Variants in PHF24 observed in about 807,000 individuals in gnomAD.
PHF24 encodes the protein PHD finger protein 24.
In PHF24, 25 loss-of-function variants were observed where a neutral mutation model predicts 42.6. The ratio of observed to expected loss-of-function variants is 0.59; its 90% CI spans 0.43 to 0.82. The LOEUF is 0.82. Ranked by LOEUF, PHF24 falls within the 40% of genes least tolerant of loss-of-function variation. PHF24 has a pLI of 0.00. For synonymous variants in PHF24, 185 were observed against 204.8 expected (o/e 0.90, Z 0.83); for missense variants, 470 against 538.1 (o/e 0.87, Z 1.25).
chr9:34,686,669 C>A, the PHF24 span, among the ~76,000 whole-genome samples: 1 of 152,120 alleles, frequency 6.6e-6, no homozygotes, highest in Non-Finnish European at 1.5e-5. Context: ...GAGATATTGG[C>A]CTTTAGGATG....
the PHF24 span, chr9:34,833,243 C>A: frequency 1.3e-6 from 2 of 1,549,728 alleles, no homozygotes; most frequent in African/African-American, 2.7e-5. Context: ...TTCCTCCAGG[C>A]TGGGGTTGTT....
chr9:34,849,792 G>T, the PHF24 span, among the ~76,000 whole-genome samples: 2 of 152,160 alleles, frequency 1.3e-5, no homozygotes, highest in African/African-American at 4.8e-5. Context: ...TTTAGGGCAT[G>T]CCTGGTGGTG....
At chr9:34,724,897 A>T in the PHF24 span, 3 of 1,550,068 alleles carry the variant, frequency 1.9e-6, no homozygotes, top group Non-Finnish European at 1.7e-6. Flanking sequence ...GGAAGGCCAG[A>T]TGCTTGTGCC....
the PHF24 span, among the ~76,000 whole-genome samples, chr9:34,933,526 C>T: frequency 2.6e-5 from 4 of 151,864 alleles, no homozygotes; most frequent in East Asian, 7.9e-4. Context: ...AGATGGAGAC[C>T]ATCCTGGCTA....
the PHF24 span, among the ~76,000 whole-genome samples, chr9:34,883,441 G>A: frequency 6.6e-6 from 1 of 152,144 alleles, no homozygotes; most frequent in Non-Finnish European, 1.5e-5. Context: ...TACAAAATGG[G>A]AGAAAATTTT....
the PHF24 span, among the ~76,000 whole-genome samples, chr9:34,874,423 A>G: frequency 6.6e-6 from 1 of 152,106 alleles, no homozygotes; most frequent in Non-Finnish European, 1.5e-5. Context: ...TGCTTTTTCA[A>G]TCCACTCGTT....
chr9:34,703,365 C>T, the PHF24 span, among the ~76,000 whole-genome samples: 2 of 152,178 alleles, frequency 1.3e-5, no homozygotes, highest in Non-Finnish European at 2.9e-5. Flanking sequence ...GATGGAGTTT[C>T]ACCATGTTGG....
the PHF24 span, among the ~76,000 whole-genome samples, chr9:34,798,878 A>T: frequency 6.6e-6 from 1 of 152,024 alleles, no homozygotes; most frequent in East Asian, 1.9e-4. Context: ...GTCATTTTTG[A>T]CTTTTTAACA....
At chr9:34,720,265 A>T in the PHF24 span, among the ~76,000 whole-genome samples, 1 of 152,098 alleles carries the variant, frequency 6.6e-6, no homozygotes, top group South Asian at 2.1e-4. Flanking sequence ...TAACAAGGTG[A>T]AACCCCGTCT....
At chr9:34,916,323 A>T in the PHF24 span, among the ~76,000 whole-genome samples, 1 of 152,218 alleles carries the variant, frequency 6.6e-6, no homozygotes, top group South Asian at 2.1e-4. Flanking sequence ...CTACTCTTTT[A>T]TCGGGGTAGG....
At chr9:34,767,355 A>G in the PHF24 span, among the ~76,000 whole-genome samples, 1 of 151,984 alleles carries the variant, frequency 6.6e-6, no homozygotes, top group Non-Finnish European at 1.5e-5. Context: ...GGTGGGCTCC[A>G]CCCAGTTCGA....
chr9:34,811,918 A>C, the PHF24 span, among the ~76,000 whole-genome samples: 2 of 152,254 alleles, frequency 1.3e-5, no homozygotes, highest in Admixed American at 1.3e-4. Flanking sequence ...AATATCCAGT[A>C]TATATAAAGA....
chr9:34,723,428 C>T, the PHF24 span: 1 of 1,551,754 alleles, frequency 6.4e-7, no homozygotes, highest in Non-Finnish European at 8.7e-7. Context: ...CTTGGAGCAC[C>T]CTGTCGGCTT....
chr9:34,818,126 G>T, the PHF24 span, among the ~76,000 whole-genome samples: 16 of 152,322 alleles, frequency 1.1e-4, no homozygotes, highest in African/African-American at 3.8e-4. Context: ...AATGTTGCTT[G>T]TGAATAGGGG....
the PHF24 span, among the ~76,000 whole-genome samples, chr9:34,949,530 C>T: frequency 6.6e-6 from 1 of 152,168 alleles, no homozygotes; most frequent in East Asian, 1.9e-4. Context: ...AATCATTCTA[C>T]TATAAAGACA....
At chr9:34,833,504 A>G in the PHF24 span, 4 of 1,551,362 alleles carry the variant, frequency 2.6e-6, no homozygotes, top group South Asian at 4.8e-5. Flanking sequence ...TTGGTGGTTT[A>G]GACTTTCAAG....
chr9:34,887,856 G>GT, the PHF24 span, among the ~76,000 whole-genome samples: 1 of 151,910 alleles, frequency 6.6e-6, no homozygotes, highest in Non-Finnish European at 1.5e-5. Flanking sequence ...GTTCACTGCT[G>GT]TATTCCCAGT....
the PHF24 span, among the ~76,000 whole-genome samples, chr9:34,871,691 T>TCAAA: frequency 6.6e-6 from 1 of 152,206 alleles, no homozygotes; most frequent in Non-Finnish European, 1.5e-5. Flanking sequence ...TTCTCCTTTG[T>TCAAA]CAAAGATCAG....
chr9:34,797,409 G>T, the PHF24 span, among the ~76,000 whole-genome samples: 1 of 152,178 alleles, frequency 6.6e-6, no homozygotes, highest in Non-Finnish European at 1.5e-5. Flanking sequence ...TCACACCGGG[G>T]CTTGGAAAAT....
Sources: allele counts gnomAD v4.1 joint callset (sites outside exome capture counted in the v4.1 genomes callset), GRCh38; gene constraint gnomAD v4.1.1; transcripts MANE v1.5; gene names NCBI Gene and HGNC (gene_info 2026-07-23, HGNC 2026-07-21).